The following GRIN2A variants were observed in gnomAD, a reference collection of about 807,000 sequenced individuals.
The protein encoded by GRIN2A is glutamate ionotropic receptor NMDA type subunit 2A, also known as glutamate receptor ionotropic, NMDA 2A.
Under a neutral mutation model 113.4 loss-of-function variants are expected in GRIN2A, and 22 were observed. The observed-to-expected ratio is 0.19, with a 90% CI of 0.14 to 0.28. The LOEUF (loss-of-function observed/expected upper bound fraction) is 0.28, where lower values mean the gene tolerates loss of function less well. Among genes scored for constraint, GRIN2A ranks in the 10% least tolerant of loss-of-function variants. The pLI, the probability that GRIN2A is intolerant of heterozygous loss-of-function variation, is 1.00. For missense variants in GRIN2A, 1,502 were observed against 1,887.0 expected (o/e 0.80, Z 3.78); for synonymous variants, 827 against 738.4 (o/e 1.12, Z -1.94).
At chr16:10,107,110 T>G (rs1363978159) in intron 2 of GRIN2A, among the ~76,000 whole-genome samples, 1 of 152,242 alleles carries the variant, frequency 6.6e-6, no homozygotes, top group East Asian at 1.9e-4. Context: ...GGATGATGAC[T>G]GGATTTCCTG....
chr16:9,773,687 T>A (rs547148607), intron 11 of GRIN2A, among the ~76,000 whole-genome samples: 1 of 152,210 alleles, frequency 6.6e-6, no homozygotes, highest in Admixed American at 6.5e-5. Context: ...CCAGTGACAG[T>A]AAGCTCATGC....
intron 2 of GRIN2A, among the ~76,000 whole-genome samples, chr16:9,962,002 G>A (rs2141706093): frequency 6.6e-6 from 1 of 152,278 alleles, no homozygotes; most frequent in Admixed American, 6.5e-5. Flanking sequence ...ACAAAAAGAA[G>A]CAATGGGGAA....
At chr16:10,132,192 C>A (rs1006144214) in intron 2 of GRIN2A, among the ~76,000 whole-genome samples, 2 of 151,658 alleles carry the variant, frequency 1.3e-5, no homozygotes, top group Non-Finnish European at 2.9e-5. Flanking sequence ...ATTAGCCGGG[C>A]GTGGTGGTGC....
chr16:10,156,253 GGACTCAT>G (rs1395830820), intron 2 of GRIN2A, among the ~76,000 whole-genome samples: 3 of 152,222 alleles, frequency 2.0e-5, no homozygotes, highest in African/African-American at 2.4e-5. Context: ...AAAGTGGAAT[GGACTCAT>G]GCCATAATGC....
chr16:9,937,962 T>C lies in GRIN2A; in HGVS notation c.1004A>G (p.His335Arg). Residue 335 changes from histidine to arginine, a missense_variant, in exon 3 of 13, where the codon CAC becomes CGC. This residue lies in a region of GRIN2A where 334 missense variants were observed against 403.0 expected (regional missense o/e 0.83). Coordinates refer to ENST00000330684, the MANE Select transcript of GRIN2A (RefSeq NM_001134407.3). ...GAGACAACAAGCCCTTTCTTACGGG[T>C]GCAAGGTGTGCATCGGGACCTCTGG... ...ERPEVPMHTL[H>R]PFMVNVTWDG... 1.9e-6 allele frequency: 3 copies of C among 1,611,172 alleles called. No homozygotes were observed. The highest frequency in any genetic ancestry group is 2.5e-6 in the Non-Finnish European group (3 of 1,177,490).
chr16:9,767,352 A>C (rs1900977946), intron 12 of GRIN2A, among the ~76,000 whole-genome samples: 1 of 152,224 alleles, frequency 6.6e-6, no homozygotes, highest in East Asian at 1.9e-4. Context: ...GTTTTAAAGC[A>C]ATTAGTTAGC....
At chr16:10,073,695 T>A (rs999426634) in intron 2 of GRIN2A, among the ~76,000 whole-genome samples, 1 of 150,354 alleles carries the variant, frequency 6.7e-6, no homozygotes, top group Non-Finnish European at 1.5e-5. Context: ...TATTAAGAAG[T>A]GAAAATACGA....
At chr16:10,051,563 G>T (rs1168958477) in intron 2 of GRIN2A, among the ~76,000 whole-genome samples, 3 of 152,182 alleles carry the variant, frequency 2.0e-5, no homozygotes. Context: ...AAGCTGGAAG[G>T]AATTAATTCT....
At chr16:9,993,828 C>T (rs1304240603) in intron 2 of GRIN2A, among the ~76,000 whole-genome samples, 1 of 152,128 alleles carries the variant, frequency 6.6e-6, no homozygotes, top group Non-Finnish European at 1.5e-5. Context: ...GCAAGAGATC[C>T]CAGGTCCATC....
chr16:9,904,136 G>T (rs2043985695), intron 3 of GRIN2A, among the ~76,000 whole-genome samples: 1 of 152,190 alleles, frequency 6.6e-6, no homozygotes, highest in Admixed American at 6.5e-5. Context: ...TGGGGGTAAG[G>T]CCGCTGTTTT....
intron 4 of GRIN2A, 137 bp from the exon 5 acceptor site, chr16:9,850,098 C>G: frequency 1.3e-6 from 1 of 758,324 alleles, no homozygotes; most frequent in Non-Finnish European, 2.3e-6. Context: ...GCATCTACTT[C>G]TGTGCTAAGA....
chr16:9,946,808 C>T (rs757590288), intron 2 of GRIN2A, among the ~76,000 whole-genome samples: 8 of 152,188 alleles, frequency 5.3e-5, no homozygotes, highest in Non-Finnish European at 7.3e-5. Flanking sequence ...CACCCAACCA[C>T]TATATACCAT....
intron 2 of GRIN2A, among the ~76,000 whole-genome samples, chr16:10,058,467 T>C (rs1219879498): frequency 1.3e-5 from 2 of 152,190 alleles, no homozygotes; most frequent in Non-Finnish European, 2.9e-5. Context: ...GATTTCAAAA[T>C]AATTTGGCAA....
intron 2 of GRIN2A, among the ~76,000 whole-genome samples, chr16:10,079,246 C>T (rs1032495645): frequency 6.6e-6 from 1 of 152,160 alleles, no homozygotes; most frequent in Non-Finnish European, 1.5e-5. Context: ...ATGGTAATGT[C>T]ACAGTATGAT....
intron 10 of GRIN2A, among the ~76,000 whole-genome samples, chr16:9,820,666 T>C (rs2042264546): frequency 6.6e-6 from 1 of 151,944 alleles, no homozygotes. Flanking sequence ...GTGGCTTTAT[T>C]TCTATGTTAA....
At chr16:10,168,044 T>C (rs1248575631) in intron 2 of GRIN2A, among the ~76,000 whole-genome samples, 1 of 152,192 alleles carries the variant, frequency 6.6e-6, no homozygotes, top group East Asian at 1.9e-4. Context: ...CTGAATATAC[T>C]TTATTAAGTA....
chr16:9,866,538 T>C (rs916902062), intron 4 of GRIN2A, among the ~76,000 whole-genome samples: 1 of 152,134 alleles, frequency 6.6e-6, no homozygotes, highest in African/African-American at 2.4e-5. Flanking sequence ...TTGTGCACAT[T>C]GGAATTTGGT....
chr16:9,913,152 C>T (rs1363516517), intron 3 of GRIN2A, among the ~76,000 whole-genome samples: 1 of 152,204 alleles, frequency 6.6e-6, no homozygotes. Context: ...AAGCTTCAAC[C>T]CACTAGCTCT....
intron 12 of GRIN2A, among the ~76,000 whole-genome samples, chr16:9,767,383 T>C (rs2141144566): frequency 6.6e-6 from 1 of 152,326 alleles, no homozygotes; most frequent in Non-Finnish European, 1.5e-5. Flanking sequence ...AACAATAGCA[T>C]ATAAAATTAG....
Sources: gnomAD v4.1 joint callset for allele counts (sites outside exome capture counted in the v4.1 genomes callset) on GRCh38, gnomAD v4.1.1 for gene constraint, gnomAD v4.1.1 regional missense constraint, MANE v1.5 for transcripts, NCBI Gene and HGNC (gene_info 2026-07-23, HGNC 2026-07-21) for gene names.